The following CPNE4 variants were observed in gnomAD, a reference collection of about 807,000 sequenced individuals.
CPNE4 encodes copine-4.
Under a neutral mutation model 67.9 loss-of-function variants are expected in CPNE4, and 25 were observed. The observed-to-expected ratio is 0.37, with a 90% CI of 0.27 to 0.51. The LOEUF (loss-of-function observed/expected upper bound fraction) is 0.51. Ranked by LOEUF, CPNE4 falls within the 20% of genes least tolerant of loss-of-function variation. The probability of loss-of-function intolerance (pLI) is 0.93; values close to 1 mark genes in which losing one functional copy is unlikely to be tolerated. For synonymous variants in CPNE4, 242 were observed against 244.9 expected (o/e 0.99, Z 0.11); for missense variants, 464 against 690.8 (o/e 0.67, Z 3.68).
At chr3:131,923,652 C>G (rs2070804430) in intron 1 of CPNE4, among the ~76,000 whole-genome samples, 1 of 131,802 alleles carries the variant, frequency 7.6e-6, no homozygotes, top group South Asian at 2.3e-4. Context: ...CTGCAGTGAG[C>G]CGAGATTATG....
chr3:131,720,369 C>G (rs2081851469), intron 3 of CPNE4, among the ~76,000 whole-genome samples: 1 of 147,776 alleles, frequency 6.8e-6, no homozygotes, highest in South Asian at 2.2e-4. Context: ...AATGCAACCT[C>G]TGCCTCCTGG....
Position 131,535,458 on chromosome 3 carries a change from G to T in CPNE4, c.1540-129C>A, listed in dbSNP as rs1582740569. On this transcript the variant is annotated intron_variant, in intron 15 of 15. Transcript: ENST00000429747. ...TTCATTCATTCGTTATTTGTCAAGG[G>T]TCTACTTCAAGCAATAGTTGTCAGA... The T allele has an allele frequency of 6.7e-6, 6 of 894,350 alleles. No individual in the cohort carries two copies. In the East Asian group the frequency reaches 1.6e-4, roughly 24 times the overall value. 55.4% of individuals were successfully genotyped at this position (894,350 alleles called of 1,614,324 possible). A position where few individuals can be genotyped will look rare whatever the true frequency, so the allele number is the denominator to read the frequency against.
chr3:131,535,534 C>T (rs1303828492), intron 15 of CPNE4, among the ~76,000 whole-genome samples: 1 of 152,192 alleles, frequency 6.6e-6, no homozygotes, highest in Non-Finnish European at 1.5e-5. Flanking sequence ...TTATGCCTGT[C>T]TCAAACTATA....
chr3:131,605,426 C>T (rs1280339478), intron 7 of CPNE4, among the ~76,000 whole-genome samples: 3 of 152,038 alleles, frequency 2.0e-5, no homozygotes, highest in Non-Finnish European at 4.4e-5. Flanking sequence ...GTGTATTGTT[C>T]CCATCTTATA....
chr3:131,912,502 A>G (rs2089016333), intron 1 of CPNE4, among the ~76,000 whole-genome samples: 1 of 152,130 alleles, frequency 6.6e-6, no homozygotes, highest in South Asian at 2.1e-4. Flanking sequence ...CAACATTTCC[A>G]TCACAATTCA....
At chr3:131,926,053 G>A (rs2070884284) in intron 1 of CPNE4, among the ~76,000 whole-genome samples, 1 of 152,074 alleles carries the variant, frequency 6.6e-6, no homozygotes, top group African/African-American at 2.4e-5. Context: ...CTATACACAA[G>A]TTAAATAAAA....
At chr3:131,650,528 C>A (rs1308784852) in intron 7 of CPNE4, among the ~76,000 whole-genome samples, 1 of 142,114 alleles carries the variant, frequency 7.0e-6, no homozygotes, top group South Asian at 2.1e-4. Context: ...GAGGCCGAGG[C>A]GGGTGGATCA....
chr3:131,749,233 G>A (rs762783875), intron 2 of CPNE4, among the ~76,000 whole-genome samples: 21 of 152,108 alleles, frequency 1.4e-4, no homozygotes, highest in Non-Finnish European at 2.9e-4. Context: ...GCAGAAGTCT[G>A]TTGCTTGTTT....
At chr3:131,972,365 T>TAA (rs148954701) in intron 1 of CPNE4, among the ~76,000 whole-genome samples, 37,857 of 152,038 alleles carry the variant, frequency 0.25, 5,231 homozygotes, top group Non-Finnish European at 0.31. Context: ...TCATAGCACT[T>TAA]ACAAGCAGAG....
intron 2 of CPNE4, among the ~76,000 whole-genome samples, chr3:131,880,203 C>T (rs1304549524): frequency 6.6e-6 from 1 of 151,424 alleles, no homozygotes; most frequent in East Asian, 1.9e-4. Context: ...GCAAGCTCCG[C>T]CTCCCGGGTT....
rs144843062 is a variant in CPNE4 at position 131,583,097 on chromosome 3, C to T, written c.781-1432G>A. ...TACCAGTGAAGAGTCCTCTATGACT[C>T]CTTCAAAATATGGAATTCTTGGGTG... On this transcript the variant is annotated intron_variant, in intron 8 of 15. Coordinates refer to ENST00000429747, the MANE Select transcript of CPNE4 (RefSeq NM_130808.3). Among the ~76,000 whole-genome samples, 5 of 152,166 alleles carry T rather than the reference C, an allele frequency of 3.3e-5. No homozygotes were observed. The East Asian group carries it at 9.7e-4, about 29-fold the overall frequency.
chr3:131,856,184 T>C (rs994683290), intron 2 of CPNE4, among the ~76,000 whole-genome samples: 5 of 151,984 alleles, frequency 3.3e-5, no homozygotes, highest in African/African-American at 1.2e-4. Context: ...TTACCAAACA[T>C]CTTTGGTGTA....
rs1400435161 is a variant in CPNE4 at position 131,990,450 on chromosome 3, G to A, written c.-2+44117C>T. Among the ~76,000 whole-genome samples, 2 of 134,658 alleles carry A rather than the reference G, an allele frequency of 1.5e-5. 1 individual carries two copies. The highest frequency in any genetic ancestry group is 3.4e-5 in the Non-Finnish European group (2 of 59,540). 88.3% of individuals were successfully genotyped at this position (134,658 alleles called of 152,430 possible). On this transcript the variant is annotated intron_variant, in intron 1 of 15. Transcript: ENST00000429747. ...ATGTGTAGAATAAATGTTGTTTTTG[G>A]TTCTTTTTCTTTTTTTTAAACACCC... is the stretch of plus-strand genomic sequence containing the variant.
At chr3:131,628,689 G>T (rs886816490) in intron 7 of CPNE4, among the ~76,000 whole-genome samples, 12 of 152,082 alleles carry the variant, frequency 7.9e-5, no homozygotes, top group African/African-American at 2.9e-4. Flanking sequence ...TTGCATAGAG[G>T]TGTTTATAGT....
chr3:131,677,348 C>T (rs4854807), intron 6 of CPNE4, among the ~76,000 whole-genome samples: 136,491 of 152,076 alleles, frequency 0.9, 61,380 homozygotes, highest in East Asian at 0.97. Context: ...TTCAGATGCA[C>T]AGTTTGCAAA....
At chr3:131,981,186 C>T (rs988608484) in intron 1 of CPNE4, among the ~76,000 whole-genome samples, 3 of 151,894 alleles carry the variant, frequency 2.0e-5, no homozygotes, top group Non-Finnish European at 4.4e-5. Flanking sequence ...CAGGAGGTGG[C>T]GCTTTCCAGA....
rs567266955 is a variant in CPNE4, at chr3:132,006,967, G to A, written c.-2+27600C>T. On this transcript the variant is annotated intron_variant, in intron 1 of 15. Transcript: ENST00000429747. The stretch of plus-strand genomic sequence containing the variant: ...TTGGATGTAATTCCCCTGCTGAGAA[G>A]CTGAGCCTCTGCTATAATAAAAGCT... 3.9e-5 allele frequency among the ~76,000 whole-genome samples: 6 copies of A among 152,268 alleles called. No individual in the cohort carries two copies. The South Asian group carries it at 6.2e-4, about 16-fold the overall frequency.
intron 15 of CPNE4, among the ~76,000 whole-genome samples, chr3:131,535,566 G>A (rs1482117519): frequency 2.0e-5 from 3 of 152,148 alleles, no homozygotes; most frequent in South Asian, 2.1e-4. Flanking sequence ...ATCTGAAGAC[G>A]AGTAAAAGTT....
intron 5 of CPNE4, among the ~76,000 whole-genome samples, chr3:131,691,109 A>T (rs2107688325): frequency 6.6e-6 from 1 of 152,308 alleles, no homozygotes; most frequent in East Asian, 1.9e-4. Context: ...GTTTGTGGGA[A>T]TGTAAATTAG....
Sources: allele counts gnomAD v4.1 joint callset (sites outside exome capture counted in the v4.1 genomes callset), GRCh38; gene constraint gnomAD v4.1.1; transcripts MANE v1.5; gene names NCBI Gene and HGNC (gene_info 2026-07-23, HGNC 2026-07-21).